ZNF605: variants seen among roughly 807,000 people sequenced by gnomAD.
ZNF605 encodes zinc finger protein 605.
ZNF605 carries 9 observed loss-of-function variants against 7.9 expected under a neutral mutation model. The observed-to-expected ratio is 1.14, with a 90% CI of 0.68 to 1.98. The LOEUF (loss-of-function observed/expected upper bound fraction) is 1.98, where lower values mean the gene tolerates loss of function less well. Among genes scored for constraint, ZNF605 ranks in the 30% most tolerant of loss-of-function variants. The pLI is 0.00. For synonymous variants in ZNF605, 255 were observed against 260.1 expected (o/e 0.98, Z 0.19); for missense variants, 673 against 762.4 (o/e 0.88, Z 1.38).
intron 1 of ZNF605, among the ~76,000 whole-genome samples, chr12:132,950,102 G>A (rs1952541726): frequency 6.6e-6 from 1 of 151,926 alleles, no homozygotes; most frequent in South Asian, 2.1e-4. Flanking sequence ...ACTACAAAGA[G>A]ACCCCATAGT....
intron 3 of ZNF605, among the ~76,000 whole-genome samples, chr12:132,937,662 C>T (rs1450615686): frequency 6.6e-6 from 1 of 152,146 alleles, no homozygotes; most frequent in African/African-American, 2.4e-5. Context: ...CACAGACTTA[C>T]CACACAACGC....
intron 3 of ZNF605, among the ~76,000 whole-genome samples, chr12:132,937,605 G>A (rs1952382091): frequency 2.0e-5 from 3 of 152,204 alleles, no homozygotes; most frequent in Admixed American, 2.0e-4. Flanking sequence ...AATGTAAAAT[G>A]TACAGCAGCT....
chr12:132,943,080 C>T (rs796605746), intron 3 of ZNF605, among the ~76,000 whole-genome samples: 1,947 of 152,080 alleles, frequency 0.013, 48 homozygotes, highest in African/African-American at 0.045. Flanking sequence ...ACCTGTAGTG[C>T]GGCCGGGCAC....
intron 1 of ZNF605, 56 bp downstream of exon 1, chr12:132,956,187 A>T: frequency 6.6e-6 from 1 of 151,532 alleles, no homozygotes; most frequent in African/African-American, 2.4e-5. Flanking sequence ...GCAGACACAG[A>T]GGCCGCCCCC....
At chr12:132,951,547 TAC>T (rs1376332998) in intron 1 of ZNF605, among the ~76,000 whole-genome samples, 6 of 143,994 alleles carry the variant, frequency 4.2e-5, no homozygotes, top group East Asian at 2.1e-4. Flanking sequence ...CACACACACA[TAC>T]ACACACTGAT....
intron 4 of ZNF605, among the ~76,000 whole-genome samples, chr12:132,928,788 G>A (rs2137127215): frequency 6.6e-6 from 1 of 152,264 alleles, no homozygotes; most frequent in South Asian, 2.1e-4. Context: ...GAGGTGGGAG[G>A]ACTGCTTGAG....
rs1952250617 is a variant in ZNF605 at position 132,926,630 on chromosome 12, T to C, written c.669A>G (p.Lys223=). ...TCTGACATTCGCTGCACCCATGCGG[T>C]TTTTCTCCTGAGTGAGTTCTTTGAT... ...TVHQRTHSGE[K]PHGCSECQKA... Residue 223 remains lysine (K), a synonymous_variant, in exon 5 of 5, where the codon AAA becomes AAG. Transcript: ENST00000360187. 6.2e-7 allele frequency: 1 copy of C among 1,614,000 alleles called. No individual in the cohort carries two copies. Among genetic ancestry groups the C allele is most frequent in the Non-Finnish European group, 8.5e-7 (1 of 1,180,038 alleles).
chr12:132,945,148 G>C (rs1475404617), intron 3 of ZNF605: 1 of 454,550 alleles, frequency 2.2e-6, no homozygotes, highest in African/African-American at 2.0e-5. Flanking sequence ...ATTTTCAGTA[G>C]AGACGGGGTT....
Position 132,925,201 on chromosome 12 carries a change from C to T in ZNF605, c.*172G>A. On this transcript the variant is annotated 3_prime_UTR_variant, in exon 5 of 5. Transcript: ENST00000360187. ...GAGATGACTTTTTTTACACTGTTTGCTTTTTAAAAACTTCTCTTTCTAAAT... is the reference window on the plus strand; with the variant it reads ...GAGATGACTTTTTTTACACTGTTTGTTTTTTAAAAACTTCTCTTTCTAAAT... 3.7e-6 allele frequency: 2 copies of T among 535,444 alleles called. No individual in the cohort carries two copies. Among genetic ancestry groups the T allele is most frequent in the Admixed American group, 3.6e-5 (1 of 27,484 alleles). 33.2% of individuals were successfully genotyped at this position (535,444 alleles called of 1,614,324 possible). A position where few individuals can be genotyped will look rare whatever the true frequency, so the allele number is the denominator to read the frequency against.
intron 1 of ZNF605, among the ~76,000 whole-genome samples, chr12:132,949,747 T>C (rs1364533935): frequency 2.6e-5 from 4 of 152,132 alleles, no homozygotes; most frequent in Non-Finnish European, 4.4e-5. Context: ...TCTGGAAGCA[T>C]TGGCTGAACT....
chr12:132,939,188 G>C (rs1296304192), intron 3 of ZNF605, among the ~76,000 whole-genome samples: 32 of 152,026 alleles, frequency 2.1e-4, no homozygotes, highest in Non-Finnish European at 3.8e-4. Flanking sequence ...CCCGGTGCGG[G>C]ATCCACTAGG....
At chr12:132,939,136 C>T (rs1473897476) in intron 3 of ZNF605, among the ~76,000 whole-genome samples, 9 of 151,936 alleles carry the variant, frequency 5.9e-5, no homozygotes, top group Admixed American at 1.3e-4. Context: ...CTGAGGAATG[C>T]GAGCGCACAG....
Position 132,926,210 on chromosome 12 carries a change from C to A in ZNF605, c.1089G>T (p.Lys363Asn). ...IRHQRIHTGE[K>N]PYECNECGEA... ...CACCACATTCGTTGCATTCGTAGGGCTTCTCTCCTGTATGAATCCTCTGAT... is the reference window on the plus strand; with the variant it reads ...CACCACATTCGTTGCATTCGTAGGGATTCTCTCCTGTATGAATCCTCTGAT... Residue 363 changes from lysine to asparagine, a missense_variant, in exon 5 of 5, where the codon AAG becomes AAT. Transcript: ENST00000360187. 1 of 1,614,076 alleles carries A rather than the reference C, an allele frequency of 6.2e-7. No homozygotes were observed. The highest frequency in any genetic ancestry group is 8.5e-7 in the Non-Finnish European group (1 of 1,180,006).
chr12:132,939,084 C>T (rs1290026821), intron 3 of ZNF605, among the ~76,000 whole-genome samples: 1 of 151,800 alleles, frequency 6.6e-6, no homozygotes, highest in African/African-American at 2.4e-5. Context: ...ACGAGCACCA[C>T]CCCCTGCTCC....
chr12:132,925,310 CA>C lies in ZNF605; in HGVS notation c.*62del. ...AGGGTTTCTCTCCCACATGCATCCT[CA>C]AAAGTGTCAGAAAGTATGACACTTG... On this transcript the variant is annotated 3_prime_UTR_variant, in exon 5 of 5. Transcript: ENST00000360187. The C allele has an allele frequency of 7.7e-7, 1 of 1,300,450 alleles. No individual in the cohort carries two copies. The allele number at this position is 1,300,450 out of a possible 1,614,324, so 80.6% of individuals were successfully genotyped here.
intron 1 of ZNF605, among the ~76,000 whole-genome samples, chr12:132,954,559 C>T (rs1204082479): frequency 2.3e-5 from 3 of 131,130 alleles, no homozygotes; most frequent in Non-Finnish European, 5.0e-5. Flanking sequence ...CAGAGCCCCT[C>T]CCCTGTAACT....
In ZNF605 at chr12:132,946,864, G is replaced by GCATCTC. The variant is rs1190302004; in HGVS notation, c.-162-1073_-162-1068dup. 3.0e-4 allele frequency among the ~76,000 whole-genome samples: 45 copies of GCATCTC among 152,290 alleles called. 2 individuals are homozygous for GCATCTC. The East Asian group carries it at 4.4e-3, about 15-fold the overall frequency. ...CTGGCCTTCAGCCCTTCCCTCACGC[G>GCATCTC]CATCTCCAGACCACGTGGGGGAGCA... On this transcript the variant is annotated intron_variant, in intron 2 of 4. Coordinates refer to ENST00000360187, the MANE Select transcript of ZNF605 (RefSeq NM_183238.4).
rs1168659310 is a variant in ZNF605 at position 132,927,089 on chromosome 12, A to G, written c.210T>C (p.His70=). ...ATATTTTTCCAAAAACATCATATTT[A>G]TGGCCTCTCTCCATACTTTTAAGGT... ...QDNLKSMERG[H]KYDVFGKIFN... is the part of the protein sequence containing the mutation. Residue 70 remains histidine, a synonymous_variant, in exon 5 of 5, where the codon CAT becomes CAC. Transcript: ENST00000360187. 4 of 1,599,766 alleles carry G rather than the reference A, an allele frequency of 2.5e-6. No individual in the cohort carries two copies. Among genetic ancestry groups the G allele is most frequent in the Middle Eastern group, 1.6e-4 (1 of 6,080 alleles).
rs1952487830 is a variant in ZNF605 at position 132,945,665 on chromosome 12, T to C, written c.-30A>G. On this transcript the variant is annotated 5_prime_UTR_variant, in exon 3 of 5. Coordinates refer to ENST00000360187, the MANE Select transcript of ZNF605 (RefSeq NM_183238.4). ...CGCTGCTCTTGGGAAATCTGCTGTT[T>C]TGTGACTTCTCTTAGTCCTGACACC... 2 of 1,614,262 alleles carry C rather than the reference T, an allele frequency of 1.2e-6. No homozygotes were observed. The highest frequency in any genetic ancestry group is 1.7e-5 in the Admixed American group (1 of 60,030).
Sources: gnomAD v4.1 joint callset for allele counts (sites outside exome capture counted in the v4.1 genomes callset) on GRCh38, gnomAD v4.1.1 for gene constraint, MANE v1.5 for transcripts, NCBI Gene and HGNC (gene_info 2026-07-23, HGNC 2026-07-21) for gene names.